HECW1: variants seen among roughly 807,000 people sequenced by gnomAD.
HECW1 encodes HECT, C2 and WW domain containing E3 ubiquitin protein ligase 1.
HECW1 carries 61 observed loss-of-function variants against 182.3 expected under a neutral mutation model. The ratio of observed to expected loss-of-function variants is 0.33; its 90% CI spans 0.27 to 0.41. The LOEUF is 0.41. HECW1 is among the 10% of genes least tolerant of loss of function. The probability of loss-of-function intolerance (pLI) is 1.00; values close to 1 mark genes in which losing one functional copy is unlikely to be tolerated. For missense variants in HECW1, 1,739 were observed against 2,108.9 expected (o/e 0.82, Z 3.44); for synonymous variants, 859 against 832.6 (o/e 1.03, Z -0.55).
intron 6 of HECW1, among the ~76,000 whole-genome samples, chr7:43,393,231 G>A (rs1323362627): frequency 6.6e-6 from 1 of 152,114 alleles, no homozygotes. Flanking sequence ...TGGTAGTCAG[G>A]CATCAGACAA....
intron 16 of HECW1, among the ~76,000 whole-genome samples, chr7:43,473,256 A>T (rs569367734): frequency 1.4e-4 from 22 of 152,294 alleles, no homozygotes; most frequent in African/African-American, 4.6e-4. Context: ...GGCTTTCACC[A>T]GACACCCAGT....
chr7:43,448,858 G>A lies in HECW1; in HGVS notation c.2399-1970G>A, dbSNP rs187964738. ...CTGAGGAATAGATCTCTTTCTGGGA[G>A]GTTCTGGCGGGTTTCAACACTTGCT... On this transcript the variant is annotated intron_variant, in intron 11 of 29. Transcript: ENST00000395891. 4.7e-3 allele frequency among the ~76,000 whole-genome samples: 711 copies of A among 152,334 alleles called. 5 individuals are homozygous for A. Among genetic ancestry groups the A allele is most frequent in the Middle Eastern group, 0.034 (10 of 294 alleles).
intron 21 of HECW1, among the ~76,000 whole-genome samples, chr7:43,504,280 C>T (rs1445009436): frequency 6.6e-6 from 1 of 152,220 alleles, no homozygotes; most frequent in African/African-American, 2.4e-5. Flanking sequence ...CTCCCAAAAT[C>T]ACATTCCTGA....
chr7:43,293,922 C>T (rs954796175), intron 3 of HECW1, among the ~76,000 whole-genome samples: 15 of 152,182 alleles, frequency 9.9e-5, no homozygotes, highest in African/African-American at 3.1e-4. Context: ...TTCGTAGGAG[C>T]ATGAACCCTA....
chr7:43,251,109 C>T (rs1310720157), intron 3 of HECW1, among the ~76,000 whole-genome samples: 1 of 152,160 alleles, frequency 6.6e-6, no homozygotes, highest in Non-Finnish European at 1.5e-5. Context: ...GGCTTTCTCT[C>T]CCAGTCATTT....
chr7:43,276,099 G>C (rs1234993892), intron 3 of HECW1, among the ~76,000 whole-genome samples: 1 of 152,236 alleles, frequency 6.6e-6, no homozygotes, highest in Non-Finnish European at 1.5e-5. Context: ...TGGGGGCCCA[G>C]TGGGAAGATG....
intron 28 of HECW1, among the ~76,000 whole-genome samples, chr7:43,553,300 G>A (rs1307173724): frequency 1.3e-5 from 2 of 152,102 alleles, no homozygotes; most frequent in Non-Finnish European, 2.9e-5. Flanking sequence ...TGAGCTGGGG[G>A]CATCGCCTCA....
At chr7:43,247,730 GA>G (rs1266408060) in intron 3 of HECW1, among the ~76,000 whole-genome samples, 1 of 126,552 alleles carries the variant, frequency 7.9e-6, no homozygotes, top group Non-Finnish European at 1.6e-5. Context: ...AAGGAAGGAA[GA>G]AAGGAAGGAA....
chr7:43,124,210 C>G (rs1785941225), intron 2 of HECW1, among the ~76,000 whole-genome samples: 2 of 152,194 alleles, frequency 1.3e-5, no homozygotes, highest in African/African-American at 4.8e-5. Flanking sequence ...GTTAGAACTC[C>G]TGCCTTTGAA....
intron 2 of HECW1, among the ~76,000 whole-genome samples, chr7:43,175,991 T>C (rs981028189): frequency 1.3e-5 from 2 of 152,224 alleles, no homozygotes; most frequent in Admixed American, 6.5e-5. Context: ...TTGGATAACC[T>C]TTTGGATAAT....
intron 5 of HECW1, among the ~76,000 whole-genome samples, chr7:43,358,556 A>C (rs1815449516): frequency 6.6e-6 from 1 of 152,196 alleles, no homozygotes; most frequent in Non-Finnish European, 1.5e-5. Context: ...GTAATGGAAA[A>C]CCTGAGCAAC....
In HECW1 at chr7:43,358,906, C is replaced by T. The variant is rs1051059787; in HGVS notation, c.461-1980C>T. On this transcript the variant is annotated intron_variant, in intron 5 of 29. Coordinates refer to ENST00000395891, the MANE Select transcript of HECW1 (RefSeq NM_015052.5). ...ATGGCGTGATCTTGGCTCACTGCCACCTCCACCTCCCGGGTTCCAGCAATT... is the reference window on the plus strand; with the variant it reads ...ATGGCGTGATCTTGGCTCACTGCCATCTCCACCTCCCGGGTTCCAGCAATT... 1.2e-4 allele frequency among the ~76,000 whole-genome samples: 17 copies of T among 146,948 alleles called. 1 individual carries two copies. The Admixed American group carries it at 1.2e-3, about 10-fold the overall frequency.
intron 6 of HECW1, among the ~76,000 whole-genome samples, chr7:43,389,211 C>T (rs776054544): frequency 2.0e-5 from 3 of 152,194 alleles, no homozygotes; most frequent in Non-Finnish European, 4.4e-5. Flanking sequence ...AGATGTAGAC[C>T]CTTGAGAGTG....
intron 3 of HECW1, among the ~76,000 whole-genome samples, chr7:43,260,182 T>G (rs1801019971): frequency 6.6e-6 from 1 of 152,006 alleles, no homozygotes; most frequent in Admixed American, 6.5e-5. Context: ...GAGAAAGAAT[T>G]TGTGGAGGAT....
chr7:43,294,035 C>T (rs901449975), intron 3 of HECW1, among the ~76,000 whole-genome samples: 1 of 152,162 alleles, frequency 6.6e-6, no homozygotes, highest in Non-Finnish European at 1.5e-5. Context: ...GAAAACACCC[C>T]CCACCACACA....
At chr7:43,297,036 G>T (rs1806142184) in intron 3 of HECW1, among the ~76,000 whole-genome samples, 1 of 152,172 alleles carries the variant, frequency 6.6e-6, no homozygotes, top group African/African-American at 2.4e-5. Flanking sequence ...AAATATAGCT[G>T]CCTGGGCCCC....
At chr7:43,120,868 T>C (rs569453717) in intron 2 of HECW1, among the ~76,000 whole-genome samples, 1 of 152,238 alleles carries the variant, frequency 6.6e-6, no homozygotes, top group Non-Finnish European at 1.5e-5. Context: ...GGTCTGGAAC[T>C]CCTGGCCTCG....
At chr7:43,504,590 GCACTCTTGGGTAAATT>G (rs2079503358) in intron 21 of HECW1, among the ~76,000 whole-genome samples, 1 of 152,110 alleles carries the variant, frequency 6.6e-6, no homozygotes. Context: ...CTGCAATCAG[GCACTCTTGGGTAAATT>G]CACCTCACAA....
intron 5 of HECW1, among the ~76,000 whole-genome samples, chr7:43,349,747 G>A (rs1290082510): frequency 1.3e-5 from 2 of 152,128 alleles, no homozygotes; most frequent in Non-Finnish European, 2.9e-5. Flanking sequence ...GAGTCCTTAT[G>A]TGTTAGTTGA....
Sources: allele counts gnomAD v4.1 joint callset (sites outside exome capture counted in the v4.1 genomes callset), GRCh38; gene constraint gnomAD v4.1.1; transcripts MANE v1.5; gene names NCBI Gene and HGNC (gene_info 2026-07-23, HGNC 2026-07-21).